Variants in PPME1 observed in about 807,000 individuals in gnomAD.
PPME1 encodes testicular secretory protein Li 39.
A neutral mutation model predicts 56.9 loss-of-function variants in PPME1; 17 were observed. The observed-to-expected ratio is 0.30, with a 90% confidence interval of 0.20 to 0.45. The LOEUF (loss-of-function observed/expected upper bound fraction) is 0.45, where lower values mean the gene tolerates loss of function less well. PPME1 is among the 20% of genes least tolerant of loss of function. The probability of loss-of-function intolerance (pLI) is 1.00; values close to 1 mark genes in which losing one functional copy is unlikely to be tolerated. For missense variants in PPME1, 357 were observed against 483.2 expected, an observed-to-expected ratio of 0.74 and a Z score of 2.45; for synonymous variants, 122 against 156.2, an observed-to-expected ratio of 0.78 and a Z score of 1.63.
intron 9 of PPME1, among the ~76,000 whole-genome samples, chr11:74,242,878 C>CAA (rs5792649): frequency 0.024 from 1,448 of 61,210 alleles, 109 homozygotes; most frequent in African/African-American, 0.09. Flanking sequence ...GACTCTGTCT[C>CAA]AAAAAAAAAA....
rs1010442234 is a variant in PPME1, at chr11:74,230,653, G to A, written c.553+254G>A. The A allele has an allele frequency of 6.7e-6, 4 of 597,850 alleles. No individual in the cohort carries two copies. Among genetic ancestry groups the A allele is most frequent in the Non-Finnish European group, 1.1e-5 (4 of 347,990 alleles). The allele number at this position is 597,850 out of a possible 1,614,324, so 37.0% of individuals were successfully genotyped here. A position where few individuals can be genotyped will look rare whatever the true frequency, so the allele number is the denominator to read the frequency against. On this transcript the variant is annotated intron_variant, in intron 6 of 13. Coordinates refer to ENST00000328257, the MANE Select transcript of PPME1 (RefSeq NM_016147.3). The surrounding 1 kb of genome is among the most constrained non-coding windows in gnomAD (Gnocchi z 4.9). ...ATAATTGTATTTAATCATATAAAAA[G>A]AAGCTGCCATGTCTTTTCTGACCCA...
intron 11 of PPME1, 54 bp from the exon 12 acceptor site, chr11:74,250,900 A>C: frequency 2.7e-6 from 4 of 1,467,972 alleles, no homozygotes; most frequent in Non-Finnish European, 3.7e-6. Context: ...ATGAGGCTGC[A>C]TAAGAGAGGG....
At chr11:74,245,959 G>A in intron 9 of PPME1, 117 bp from the exon 10 acceptor site, 1 of 1,161,732 alleles carries the variant, frequency 8.6e-7, no homozygotes, top group South Asian at 1.6e-5. Context: ...CTAGGACTTA[G>A]TAGGTCCTTA....
rs374616857 is a variant in PPME1 at position 74,246,060 on chromosome 11, G to C, written c.835-16G>C. Reference sequence around the variant, plus strand: ...GGTTGCCCTCGGAGACTCAGAACTTGCTCTTATTCCTCCAGACCAAGAAAG... The same window carrying C: ...GGTTGCCCTCGGAGACTCAGAACTTCCTCTTATTCCTCCAGACCAAGAAAG... On this transcript the variant is annotated splice_polypyrimidine_tract_variant and intron_variant, in intron 9 of 13. Coordinates refer to ENST00000328257, the MANE Select transcript of PPME1 (RefSeq NM_016147.3). 2.5e-6 allele frequency: 4 copies of C among 1,574,690 alleles called. No individual in the cohort carries two copies. The African/African-American group carries it at 5.4e-5, about 21-fold the overall frequency.
chr11:74,228,996 G>A (rs967233395), intron 5 of PPME1, among the ~76,000 whole-genome samples: 5 of 152,072 alleles, frequency 3.3e-5, no homozygotes, highest in African/African-American at 9.7e-5. Context: ...AATTTAAGTC[G>A]AACGAATATT....
In PPME1 at chr11:74,230,288, C is replaced by T; in HGVS notation, c.442C>T (p.Pro148Ser). ...TGAAGCCATGTATGGGGACCTTCCT[C>T]CTCCAATTATGCTGATTGGACATAG... Reference protein sequence around the residue: ...VVEAMYGDLPPPIMLIGHSMG... With the variant: ...VVEAMYGDLPSPIMLIGHSMG... The change falls in exon 6 of 14, where the codon CCT (proline) becomes TCT (serine). Residue 148 changes from proline (P) to serine (S), a missense_variant. By Grantham distance (74) the Pro-to-Ser change is moderately conservative. Around this residue, in one of 2 missense-constraint regions of PPME1, gnomAD observed 175 missense variants for 189.4 expected, o/e 0.92. Coordinates refer to ENST00000328257, the MANE Select transcript of PPME1 (RefSeq NM_016147.3). The surrounding 1 kb of genome is among the most constrained non-coding windows in gnomAD (Gnocchi z 4.9). 5.0e-6 allele frequency: 8 copies of T among 1,613,378 alleles called. No individual in the cohort carries two copies. The highest frequency in any genetic ancestry group is 5.9e-6 in the Non-Finnish European group (7 of 1,179,646).
chr11:74,171,313 A>G lies in PPME1; in HGVS notation c.-109A>G. 1 of 1,511,604 alleles carries G rather than the reference A, an allele frequency of 6.6e-7. No homozygotes were observed. Among genetic ancestry groups the G allele is most frequent in the Middle Eastern group, 1.8e-4 (1 of 5,634 alleles). 93.6% of individuals were successfully genotyped at this position (1,511,604 alleles called of 1,614,324 possible). On this transcript the variant is annotated 5_prime_UTR_variant, in exon 1 of 14. Coordinates refer to ENST00000328257, the MANE Select transcript of PPME1 (RefSeq NM_016147.3). ...TGCTACGGGTAGCTGGGTGCTGTCC[A>G]AAGGCGACAGGGCGTCGTTAGGGGA...
chr11:74,176,122 C>T (rs1460456835), intron 1 of PPME1, among the ~76,000 whole-genome samples: 2 of 152,176 alleles, frequency 1.3e-5, no homozygotes, highest in Non-Finnish European at 2.9e-5. Context: ...GACACTGACA[C>T]ATAAGCTCTT....
intron 5 of PPME1, among the ~76,000 whole-genome samples, chr11:74,227,237 C>T (rs1236414140): frequency 1.3e-5 from 2 of 152,088 alleles, no homozygotes; most frequent in African/African-American, 4.8e-5. Flanking sequence ...TAATATCATG[C>T]CTACTGGCAA....
chr11:74,228,940 G>A (rs556821423), intron 5 of PPME1, among the ~76,000 whole-genome samples: 1 of 152,156 alleles, frequency 6.6e-6, no homozygotes, highest in East Asian at 1.9e-4. Context: ...ATTTGTTATC[G>A]CTTTGGATGA....
chr11:74,227,374 T>TAGATGA (rs57521746), intron 5 of PPME1, among the ~76,000 whole-genome samples: 15,738 of 151,938 alleles, frequency 0.1, 2,121 homozygotes, highest in African/African-American at 0.32. Flanking sequence ...TCATCCACAG[T>TAGATGA]AGATGATGAC....
chr11:74,225,340 A>T, intron 5 of PPME1, 84 bp downstream of exon 5: 1 of 1,027,480 alleles, frequency 9.7e-7, no homozygotes, highest in Non-Finnish European at 1.4e-6. Flanking sequence ...TTTCCTGATG[A>T]GATTGTTGGG....
In PPME1 at chr11:74,251,729, A is replaced by C. The variant is rs1484736341; in HGVS notation, c.1142+14A>C. 1 of 1,613,950 alleles carries C rather than the reference A, an allele frequency of 6.2e-7. No homozygotes were observed. Among genetic ancestry groups the C allele is most frequent in the East Asian group, 2.2e-5 (1 of 44,880 alleles). On this transcript the variant is annotated intron_variant, in intron 13 of 13. Coordinates refer to ENST00000328257, the MANE Select transcript of PPME1 (RefSeq NM_016147.3). The stretch of plus-strand genomic sequence containing the variant: ...TGGATTCCAGTGGTAAGGCGGGTAC[A>C]AGGGTTTAAGAACCCAGCAGTGCTG...
intron 1 of PPME1, among the ~76,000 whole-genome samples, chr11:74,178,181 T>TC (rs751519112): frequency 3.5e-4 from 54 of 152,214 alleles, no homozygotes; most frequent in Non-Finnish European, 7.2e-4. Context: ...TGTCACCTTA[T>TC]GGTTGCAGGA....
intron 8 of PPME1, among the ~76,000 whole-genome samples, chr11:74,237,323 T>G (rs1015295259): frequency 1.3e-5 from 2 of 149,046 alleles, no homozygotes; most frequent in Non-Finnish European, 3.0e-5. Context: ...TCGCCCAGGC[T>G]GGAGTGCAGT....
chr11:74,177,567 A>G (rs188197417), intron 1 of PPME1, among the ~76,000 whole-genome samples: 1 of 151,822 alleles, frequency 6.6e-6, no homozygotes, highest in African/African-American at 2.4e-5. Context: ...CTGTACTTTT[A>G]ATTAGAGGAT....
intron 4 of PPME1, 49 bp downstream of exon 4, chr11:74,222,418 C>T (rs1201994134): frequency 6.9e-7 from 1 of 1,452,894 alleles, no homozygotes; most frequent in Non-Finnish European, 9.7e-7. Flanking sequence ...GTCATCAAGC[C>T]CCTTTGAATA....
chr11:74,242,011 T>TTG (rs1392664175), intron 9 of PPME1, among the ~76,000 whole-genome samples: 1 of 152,244 alleles, frequency 6.6e-6, no homozygotes, highest in Admixed American at 6.5e-5. Context: ...TTTTTGTCCC[T>TTG]TGTACTTTTG....
At chr11:74,242,655 T>C (rs1306692321) in intron 9 of PPME1, among the ~76,000 whole-genome samples, 3 of 151,714 alleles carry the variant, frequency 2.0e-5, no homozygotes, top group South Asian at 2.1e-4. Flanking sequence ...CCGAGGTGGG[T>C]GGATCACGAG....
Sources: allele counts gnomAD v4.1 joint callset (sites outside exome capture counted in the v4.1 genomes callset), GRCh38; gene constraint gnomAD v4.1.1; regional missense constraint gnomAD v4.1.1; non-coding constraint Gnocchi (gnomAD v3.1); transcripts MANE v1.5; gene names NCBI Gene and HGNC (gene_info 2026-07-23, HGNC 2026-07-21).